The following RSAD2 variants were observed in gnomAD, a reference collection of about 807,000 sequenced individuals.
RSAD2 encodes the protein radical S-adenosyl methionine domain containing 2, also known as S-adenosylmethionine-dependent nucleotide dehydratase RSAD2.
RSAD2 carries 38 observed loss-of-function variants against 37.7 expected under a neutral mutation model. That is an observed-to-expected ratio of 1.01 (90% confidence interval 0.78 to 1.32). The LOEUF is 1.32. Ranked by LOEUF, RSAD2 falls within the 40% of genes most tolerant of loss-of-function variation. The pLI is 0.00. For synonymous variants in RSAD2, 163 were observed against 157.4 expected (o/e 1.04, Z -0.27); for missense variants, 428 against 437.5 (o/e 0.98, Z 0.19).
intron 2 of RSAD2, among the ~76,000 whole-genome samples, chr2:6,884,003 G>A (rs1360633988): frequency 6.6e-6 from 1 of 152,226 alleles, no homozygotes; most frequent in Non-Finnish European, 1.5e-5. Flanking sequence ...TTCTAAGGCT[G>A]CTGAGATTCC....
chr2:6,896,098 G>A lies in RSAD2; in HGVS notation c.*156G>A, dbSNP rs1663769853. On this transcript the variant is annotated 3_prime_UTR_variant, in exon 6 of 6. Coordinates refer to ENST00000382040, the MANE Select transcript of RSAD2 (RefSeq NM_080657.5). ...GATTACCTGTGGTCACTGAACACAC[G>A]AATAACTTGGATAGCAAATCCTGAG... 5.2e-6 allele frequency: 3 copies of A among 574,246 alleles called. No individual in the cohort carries two copies. Among genetic ancestry groups the A allele is most frequent in the Non-Finnish European group, 6.0e-6 (2 of 335,602 alleles). The allele number at this position is 574,246 out of a possible 1,614,324, so 35.6% of individuals were successfully genotyped here.
intron 1 of RSAD2, among the ~76,000 whole-genome samples, chr2:6,872,107 G>A (rs1405445719): frequency 2.0e-5 from 3 of 152,080 alleles, no homozygotes; most frequent in Non-Finnish European, 4.4e-5. Context: ...TAATGGTTAT[G>A]TTTTGTAATA....
At chr2:6,867,005 C>T (rs1663106845) in intron 1 of RSAD2, among the ~76,000 whole-genome samples, 1 of 152,054 alleles carries the variant, frequency 6.6e-6, no homozygotes, top group African/African-American at 2.4e-5. Flanking sequence ...AGTTTTTATT[C>T]TTTCTCAGGA....
intron 3 of RSAD2, among the ~76,000 whole-genome samples, chr2:6,888,457 G>C (rs1663565931): frequency 6.6e-6 from 1 of 152,168 alleles, no homozygotes; most frequent in Non-Finnish European, 1.5e-5. Context: ...GCTCCAGCTG[G>C]AGGGCTAAGC....
At chr2:6,874,367 T>A (rs1663247606), upstream of RSAD2, among the ~76,000 whole-genome samples, 1 of 152,220 alleles carries the variant, frequency 6.6e-6, no homozygotes, top group African/African-American at 2.4e-5. Context: ...TATATCATAA[T>A]ATGTGTTATC....
chr2:6,883,530 A>T lies in RSAD2; in HGVS notation c.506A>T (p.Tyr169Phe). The T allele has an allele frequency of 6.2e-7, 1 of 1,614,098 alleles. No homozygotes were observed. The highest frequency in any genetic ancestry group is 8.5e-7 in the Non-Finnish European group (1 of 1,180,000). ...SLIRERWFQN[Y>F]GEYLDILAIS... The stretch of plus-strand genomic sequence containing the variant: ...ATCCGGGAGAGGTGGTTCCAGAATT[A>T]TGGTGTGCTCCATGGGATGGCATTC... Residue 169 changes from tyrosine (Y) to phenylalanine (F), a missense_variant and splice_region_variant, in exon 2 of 6, where the codon TAT becomes TTT. Physicochemically the swap from Tyr to Phe is conservative, Grantham distance 22 (BLOSUM62 3). Transcript: ENST00000382040.
Position 6,878,023 on chromosome 2 carries a change from G to C in RSAD2, c.223G>C (p.Val75Leu), listed in dbSNP as rs554485829. The C allele has an allele frequency of 6.2e-7, 1 of 1,614,160 alleles. No individual in the cohort carries two copies. Among genetic ancestry groups the C allele is most frequent in the Non-Finnish European group, 8.5e-7 (1 of 1,180,010 alleles). ...DPPLPTTPTS[V>L]NYHFTRQCNY... ...TCCTCTGCCCACCACCCCAACCAGC[G>C]TCAACTATCACTTCACTCGCCAGTG... is the stretch of plus-strand genomic sequence containing the variant. Residue 75 changes from valine to leucine, a missense_variant, in exon 1 of 6, where the codon GTC becomes CTC. Transcript: ENST00000382040.
chr2:6,869,875 G>T (rs1663173154), intron 1 of RSAD2, among the ~76,000 whole-genome samples: 1 of 152,210 alleles, frequency 6.6e-6, no homozygotes, highest in South Asian at 2.1e-4. Flanking sequence ...CTGACTAGAG[G>T]TCACACGAGT....
At chr2:6,893,585 C>A in intron 4 of RSAD2, 86 bp from the exon 5 acceptor site, 1 of 1,054,596 alleles carries the variant, frequency 9.5e-7, no homozygotes, top group Non-Finnish European at 1.5e-6. Flanking sequence ...CAAAACAATA[C>A]AATGCAAACA....
At chr2:6,866,644 A>G (rs1663098500) in intron 1 of RSAD2, 1 of 161,810 alleles carries the variant, frequency 6.2e-6, no homozygotes, top group Admixed American at 6.5e-5. Context: ...CTAACAGTGT[A>G]ACAGTGTTTG....
At chr2:6,881,830 C>A (rs1025839436) in intron 1 of RSAD2, among the ~76,000 whole-genome samples, 1 of 150,994 alleles carries the variant, frequency 6.6e-6, no homozygotes, top group Non-Finnish European at 1.5e-5. Context: ...ACAAGCCCAT[C>A]CTCCTAGAAC....
At chr2:6,892,604 C>A (rs867913750) in intron 4 of RSAD2, among the ~76,000 whole-genome samples, 3 of 152,138 alleles carry the variant, frequency 2.0e-5, no homozygotes, top group Non-Finnish European at 4.4e-5. Context: ...TTTGATGACC[C>A]CAAAGCCCAC....
At chr2:6,883,558 C>T (rs1572156462) in intron 2 of RSAD2, 26 bp downstream of exon 2, 1 of 1,610,306 alleles carries the variant, frequency 6.2e-7, no homozygotes, top group Non-Finnish European at 8.5e-7. Context: ...TGGCATTCTT[C>T]TTATTGCTAT....
At chr2:6,876,780 A>G (rs1423494345), upstream of RSAD2, 1 of 152,250 alleles carries the variant, frequency 6.6e-6, no homozygotes, top group Non-Finnish European at 1.5e-5. Flanking sequence ...GCCAGGCACT[A>G]TTCTGAATTC....
intron 5 of RSAD2, among the ~76,000 whole-genome samples, chr2:6,893,991 A>G (rs894317785): frequency 2.6e-5 from 4 of 152,218 alleles, no homozygotes; most frequent in Non-Finnish European, 5.9e-5. Flanking sequence ...CGTGGATGTC[A>G]CATTGAACCC....
chr2:6,866,098 T>G, intron 1 of RSAD2: 1 of 242,526 alleles, frequency 4.1e-6, no homozygotes, highest in Non-Finnish European at 8.3e-6. Context: ...CTGGTTTGAG[T>G]TCCTCCTCTG....
chr2:6,878,928 T>C (rs1311857084), intron 1 of RSAD2: 5 of 921,952 alleles, frequency 5.4e-6, no homozygotes, highest in African/African-American at 5.2e-5. Context: ...ATATTCTGGA[T>C]GTGCACCCTG....
At chr2:6,891,094 G>A (rs1663621345) in intron 4 of RSAD2, among the ~76,000 whole-genome samples, 1 of 151,892 alleles carries the variant, frequency 6.6e-6, no homozygotes, top group Non-Finnish European at 1.5e-5. Context: ...ATACTGAATT[G>A]TATAAAATAA....
chr2:6,876,134 C>G (rs973222831), upstream of RSAD2, among the ~76,000 whole-genome samples: 1 of 152,170 alleles, frequency 6.6e-6, no homozygotes, highest in Non-Finnish European at 1.5e-5. Context: ...GAATTTGAAA[C>G]ATCTAAGATC....
Sources: gnomAD v4.1 joint callset for allele counts (sites outside exome capture counted in the v4.1 genomes callset) on GRCh38, gnomAD v4.1.1 for gene constraint, MANE v1.5 for transcripts, NCBI Gene and HGNC (gene_info 2026-07-23, HGNC 2026-07-21) for gene names.